AFF3: variants seen among roughly 807,000 people sequenced by gnomAD.
AFF3 encodes AF4/FMR2 family member 3.
AFF3 carries 32 observed loss-of-function variants against 129.7 expected under a neutral mutation model. The ratio of observed to expected loss-of-function variants is 0.25; its 90% CI spans 0.19 to 0.33. AFF3 has a LOEUF of 0.33. Ranked by LOEUF, AFF3 falls within the 10% of genes least tolerant of loss-of-function variation. AFF3 has a pLI of 1.00. For missense variants in AFF3, 1,373 were observed against 1,592.0 expected, an observed-to-expected ratio of 0.86 and a Z score of 2.34; for synonymous variants, 644 against 635.4, an observed-to-expected ratio of 1.01 and a Z score of -0.20.
chr2:99,890,604 T>A (rs1401512587), intron 7 of AFF3, among the ~76,000 whole-genome samples: 1 of 151,992 alleles, frequency 6.6e-6, no homozygotes, highest in East Asian at 1.9e-4. Context: ...CCTCTCTGAG[T>A]TCTGCACTTT....
intron 7 of AFF3, among the ~76,000 whole-genome samples, chr2:99,989,965 T>A (rs1318955208): frequency 1.3e-5 from 2 of 152,212 alleles, no homozygotes; most frequent in Non-Finnish European, 2.9e-5. Context: ...TTTTTATTGA[T>A]GTAATTGAGT....
In AFF3 at chr2:99,959,696, CATATAT is replaced by C. The variant is rs58551565; in HGVS notation, c.873+46930_873+46935del. On this transcript the variant is annotated intron_variant, in intron 7 of 24. Transcript: ENST00000672756. ...TTACATTTTAAAAAATAGTGTATAGCATATATATATATATATATATATATATGCGAT... is the reference window on the plus strand; with the variant it reads ...TTACATTTTAAAAAATAGTGTATAGCATATATATATATATATATATGCGAT... 8.4e-3 allele frequency among the ~76,000 whole-genome samples: 1,159 copies of C among 138,130 alleles called. 20 individuals are homozygous for C. Among genetic ancestry groups the C allele is most frequent in the African/African-American group, 0.027 (1,038 of 38,170 alleles). The allele number at this position is 138,130 out of a possible 152,430, so 90.6% of individuals were successfully genotyped here. A position where few individuals can be genotyped will look rare whatever the true frequency, so the allele number is the denominator to read the frequency against.
At chr2:100,012,348 C>A (rs1008499464) in intron 4 of AFF3, among the ~76,000 whole-genome samples, 1 of 152,204 alleles carries the variant, frequency 6.6e-6, no homozygotes, top group African/African-American at 2.4e-5. Flanking sequence ...CTTCTTAAAA[C>A]TAACCTACCC....
chr2:99,634,516 G>T (rs1021076967), intron 13 of AFF3, among the ~76,000 whole-genome samples: 1 of 152,128 alleles, frequency 6.6e-6, no homozygotes, highest in African/African-American at 2.4e-5. Flanking sequence ...AACAATATAT[G>T]GGCAGGGTTC....
chr2:100,127,866 G>C (rs1314921859), intron 2 of AFF3, among the ~76,000 whole-genome samples: 1 of 152,124 alleles, frequency 6.6e-6, no homozygotes, highest in African/African-American at 2.4e-5. Flanking sequence ...AAATCTACTG[G>C]GCTGCATTCC....
intron 7 of AFF3, among the ~76,000 whole-genome samples, chr2:99,938,456 T>A (rs528263914): frequency 4.6e-5 from 7 of 152,124 alleles, no homozygotes; most frequent in Non-Finnish European, 8.8e-5. Context: ...ATGATGATGA[T>A]GATATGATGT....
At chr2:100,084,510 G>A (rs1165721883) in intron 4 of AFF3, among the ~76,000 whole-genome samples, 1 of 152,158 alleles carries the variant, frequency 6.6e-6, no homozygotes, top group Non-Finnish European at 1.5e-5. Flanking sequence ...ACACAACAAG[G>A]AGAAATGTAA....
intron 7 of AFF3, among the ~76,000 whole-genome samples, chr2:99,882,055 G>C (rs916825737): frequency 2.0e-5 from 3 of 148,466 alleles, no homozygotes; most frequent in African/African-American, 7.4e-5. Flanking sequence ...TCATTTGCCT[G>C]TCTCTCTCTC....
intron 4 of AFF3, among the ~76,000 whole-genome samples, chr2:100,061,904 G>A (rs1410083303): frequency 6.7e-6 from 1 of 149,106 alleles, no homozygotes; most frequent in Non-Finnish European, 1.5e-5. Flanking sequence ...AGGCTTCAAA[G>A]CAGAAATGCA....
chr2:99,593,343 G>T lies in AFF3; in HGVS notation c.2318C>A (p.Thr773Asn). The T allele has an allele frequency of 6.2e-7, 1 of 1,614,086 alleles. No homozygotes were observed. The highest frequency in any genetic ancestry group is 8.5e-7 in the Non-Finnish European group (1 of 1,179,992). The change falls in exon 15 of 25, where the codon ACC (threonine) becomes AAC (asparagine). Residue 773 changes from threonine (T) to asparagine (N), a missense_variant. This residue lies in a region of AFF3 where 466 missense variants were observed against 505.0 expected (regional missense o/e 0.92). Transcript: ENST00000672756. ...GTGTTCTGGGATCCTGGACAGGAGGGTCAGGTCGATTTTGACCCAGAGAGA... is the reference window on the plus strand; with the variant it reads ...GTGTTCTGGGATCCTGGACAGGAGGTTCAGGTCGATTTTGACCCAGAGAGA... ...IRSLWVKIDL[T>N]LLSRIPEHLP... is the part of the protein sequence containing the mutation.
At chr2:99,624,609 C>T (rs1172175913) in intron 13 of AFF3, among the ~76,000 whole-genome samples, 2 of 152,188 alleles carry the variant, frequency 1.3e-5, no homozygotes, top group East Asian at 1.9e-4. Flanking sequence ...GGCCCTGGCC[C>T]GTTGCCTCCT....
chr2:99,920,945 A>G (rs1467868241), intron 7 of AFF3, among the ~76,000 whole-genome samples: 2 of 152,102 alleles, frequency 1.3e-5, no homozygotes, highest in African/African-American at 2.4e-5. Context: ...AAAACAAGCC[A>G]GCTTTTTATA....
At chr2:99,765,205 T>C (rs139642152) in intron 8 of AFF3, among the ~76,000 whole-genome samples, 12 of 152,334 alleles carry the variant, frequency 7.9e-5, no homozygotes, top group African/African-American at 2.9e-4. Flanking sequence ...TTGAACTAAC[T>C]GTGGCTTGCA....
At chr2:99,796,324 A>G (rs1685554806) in intron 8 of AFF3, among the ~76,000 whole-genome samples, 1 of 152,224 alleles carries the variant, frequency 6.6e-6, no homozygotes, top group South Asian at 2.1e-4. Context: ...ACATTACTTA[A>G]TACAAAACTC....
Position 99,605,139 on chromosome 2 carries a change from G to A in AFF3, c.1185-3518C>T, listed in dbSNP as rs187440746. Among the ~76,000 whole-genome samples the A allele has an allele frequency of 1.1e-3, 166 of 152,308 alleles. 2 individuals are homozygous for A. The highest frequency in any genetic ancestry group is 0.01 in the Admixed American group (159 of 15,296). ...ACTAGCCCAAGGAGGCAGCATCTCC[G>A]ATCTGAATTACATTGGCAGAAAAAC... On this transcript the variant is annotated intron_variant, in intron 13 of 24. Coordinates refer to ENST00000672756, the MANE Select transcript of AFF3 (RefSeq NM_001386135.1).
At chr2:99,959,339 C>CAAAAAA (rs34083581) in intron 7 of AFF3, among the ~76,000 whole-genome samples, 4 of 66,918 alleles carry the variant, frequency 6.0e-5, no homozygotes, top group Non-Finnish European at 5.9e-5. Context: ...AAGAGTCTGC[C>CAAAAAA]AAAAAAAAAA....
rs12620123 is a variant in AFF3, at chr2:99,952,178, C to G, written c.873+54454G>C. On this transcript the variant is annotated intron_variant, in intron 7 of 24. Transcript: ENST00000672756. Reference sequence around the variant, plus strand: ...ACTGGATCATGGGGGCGGATTTGCCCTTTGCTGCTGTTCTTGTGACAGTGA... The same window carrying G: ...ACTGGATCATGGGGGCGGATTTGCCGTTTGCTGCTGTTCTTGTGACAGTGA... 3.7e-4 allele frequency among the ~76,000 whole-genome samples: 57 copies of G among 152,222 alleles called. 1 individual carries two copies. In the East Asian group the frequency reaches 7.0e-3, roughly 19 times the overall value.
chr2:99,947,593 AAGAAAGAAAGATAGATAGATAGATAGAT>A (rs1675726658), intron 7 of AFF3, among the ~76,000 whole-genome samples: 1 of 140,290 alleles, frequency 7.1e-6, no homozygotes, highest in African/African-American at 2.8e-5. Flanking sequence ...GAAAGAAAGA[AAGAAAGAAAGATAGATAGATAGATAGAT>A]AGATAGATAG....
intron 7 of AFF3, among the ~76,000 whole-genome samples, chr2:99,937,687 G>A (rs949133641): frequency 2.0e-5 from 3 of 152,166 alleles, no homozygotes; most frequent in Non-Finnish European, 4.4e-5. Flanking sequence ...ATAAGCCACC[G>A]CGCCCGGCCC....
Sources: gnomAD v4.1 joint callset for allele counts (sites outside exome capture counted in the v4.1 genomes callset) on GRCh38, gnomAD v4.1.1 for gene constraint, gnomAD v4.1.1 regional missense constraint, MANE v1.5 for transcripts, NCBI Gene and HGNC (gene_info 2026-07-23, HGNC 2026-07-21) for gene names.